The following MYO16 variants were observed in gnomAD, a reference collection of about 807,000 sequenced individuals.
The protein encoded by MYO16 is myosin XVI, also known as unconventional myosin-XVI.
A neutral mutation model predicts 205.3 loss-of-function variants in MYO16; 94 were observed. The observed-to-expected ratio is 0.46, with a 90% CI of 0.39 to 0.54. The LOEUF (loss-of-function observed/expected upper bound fraction) is 0.54, where lower values mean the gene tolerates loss of function less well. Among genes scored for constraint, MYO16 ranks in the 20% least tolerant of loss-of-function variants. The pLI, the probability that MYO16 is intolerant of heterozygous loss-of-function variation, is 0.00. For missense variants in MYO16, 2,315 were observed against 2,387.5 expected (o/e 0.97, Z 0.63); for synonymous variants, 988 against 954.0 (o/e 1.04, Z -0.66).
At chr13:108,559,470 C>CTTTTTTTTTT in the MYO16 span, among the ~76,000 whole-genome samples, 73 of 87,378 alleles carry the variant, frequency 8.4e-4, no homozygotes, top group Non-Finnish European at 1.1e-3. Flanking sequence ...TTTTTCTTTT[C>CTTTTTTTTTT]TTTTTTTTTT....
At chr13:108,754,513 G>GGT (rs111500208) in intron 4 of MYO16, among the ~76,000 whole-genome samples, 23,625 of 147,810 alleles carry the variant, frequency 0.16, 2,058 homozygotes, top group Non-Finnish European at 0.21. Flanking sequence ...TACAGGTTTT[G>GGT]GCGTGTGTGT....
intron 31 of MYO16, among the ~76,000 whole-genome samples, chr13:109,137,596 T>C (rs1378478819): frequency 6.6e-6 from 1 of 152,208 alleles, no homozygotes; most frequent in African/African-American, 2.4e-5. Flanking sequence ...TCTTAAAAGT[T>C]GGCTGCTTTG....
At chr13:108,495,716 G>A in the MYO16 span, among the ~76,000 whole-genome samples, 4 of 150,746 alleles carry the variant, frequency 2.7e-5, no homozygotes, top group East Asian at 7.9e-4. Flanking sequence ...GCTGCGGGTC[G>A]CAGAGGCGGG....
chr13:108,669,874 G>A (rs928012351), intron 2 of MYO16, among the ~76,000 whole-genome samples: 1 of 152,120 alleles, frequency 6.6e-6, no homozygotes, highest in African/African-American at 2.4e-5. Context: ...GTTGAACAAT[G>A]AGAACACACG....
the MYO16 span, among the ~76,000 whole-genome samples, chr13:108,499,509 G>A: frequency 7.9e-5 from 12 of 152,124 alleles, no homozygotes; most frequent in East Asian, 3.9e-4. Context: ...TACACTGGGC[G>A]CACCCCCAAC....
intron 1 of MYO16, among the ~76,000 whole-genome samples, chr13:108,637,746 A>T (rs1471678873): frequency 6.6e-6 from 1 of 152,080 alleles, no homozygotes; most frequent in Non-Finnish European, 1.5e-5. Context: ...GTTGTGGCAC[A>T]TGCCTGTAAT....
intron 19 of MYO16, among the ~76,000 whole-genome samples, 156 bp downstream of exon 19, chr13:108,962,651 A>G (rs375679125): frequency 2.0e-5 from 3 of 152,376 alleles, no homozygotes; most frequent in East Asian, 1.9e-4. Flanking sequence ...TGACATGACT[A>G]TAGTGTAGAC....
At chr13:108,775,760 C>A (rs558283225) in intron 4 of MYO16, among the ~76,000 whole-genome samples, 2 of 152,216 alleles carry the variant, frequency 1.3e-5, no homozygotes, top group East Asian at 3.9e-4. Flanking sequence ...GTCTTCTGAG[C>A]GGTGCACACA....
chr13:108,605,717 T>G (rs950597177), intron 1 of MYO16, among the ~76,000 whole-genome samples: 1 of 152,146 alleles, frequency 6.6e-6, no homozygotes, highest in African/African-American at 2.4e-5. Flanking sequence ...AATTTCCCAG[T>G]TTGGGGTATT....
intron 1 of MYO16, among the ~76,000 whole-genome samples, chr13:108,662,561 G>C (rs898701653): frequency 1.3e-5 from 2 of 152,056 alleles, no homozygotes; most frequent in Non-Finnish European, 2.9e-5. Context: ...TCAGGGAACT[G>C]GGGGAAAGCC....
intron 12 of MYO16, among the ~76,000 whole-genome samples, chr13:108,877,189 C>T (rs532459280): frequency 7.9e-5 from 12 of 152,240 alleles, no homozygotes; most frequent in Non-Finnish European, 1.3e-4. Flanking sequence ...TTTATAAATG[C>T]TCTTTTTGCT....
chr13:108,798,930 C>T (rs921650837), intron 6 of MYO16, among the ~76,000 whole-genome samples: 1 of 146,698 alleles, frequency 6.8e-6, no homozygotes, highest in African/African-American at 2.5e-5. Flanking sequence ...TGGTCTCGAT[C>T]TCCCGACCTC....
At chr13:108,913,082 A>G (rs1403922447) in intron 16 of MYO16, among the ~76,000 whole-genome samples, 1 of 152,220 alleles carries the variant, frequency 6.6e-6, no homozygotes, top group Non-Finnish European at 1.5e-5. Context: ...TAGAAAGTCA[A>G]ACAGTCAGGG....
In MYO16 at chr13:109,058,970, T is replaced by C. The variant is rs370129434; in HGVS notation, c.3335+3375T>C. Among the ~76,000 whole-genome samples the C allele has an allele frequency of 7.2e-5, 11 of 152,266 alleles. No individual in the cohort carries two copies. In the East Asian group the frequency reaches 1.4e-3, roughly 19 times the overall value. On this transcript the variant is annotated intron_variant, in intron 27 of 34. Coordinates refer to ENST00000457511, the MANE Select transcript of MYO16 (RefSeq NM_001198950.3). ...TAGATTCCATCTCAAGAAAACACTT[T>C]GTTCATCCATAAGCAGCAACTCCTC...
chr13:108,835,167 C>T (rs1173298481), intron 9 of MYO16, among the ~76,000 whole-genome samples: 1 of 151,876 alleles, frequency 6.6e-6, no homozygotes, highest in African/African-American at 2.4e-5. Context: ...AATTATAGTT[C>T]CCATAATCCC....
intron 33 of MYO16, among the ~76,000 whole-genome samples, chr13:109,174,491 GA>G (rs1484340535): frequency 4.6e-5 from 7 of 152,130 alleles, no homozygotes; most frequent in Non-Finnish European, 8.8e-5. Context: ...GGGAAATGGA[GA>G]CATACAATAG....
chr13:108,823,297 A>G lies in MYO16; in HGVS notation c.1097+19A>G. 1 of 1,585,114 alleles carries G rather than the reference A, an allele frequency of 6.3e-7. No individual in the cohort carries two copies. The highest frequency in any genetic ancestry group is 8.6e-7 in the Non-Finnish European group (1 of 1,164,928). On this transcript the variant is annotated intron_variant, in intron 9 of 34. Coordinates refer to ENST00000457511, the MANE Select transcript of MYO16 (RefSeq NM_001198950.3). ...GTAAGCTGTAAGTGTCTTCCTGCTT[A>G]TTCTCTTTTGCCATCTTCTCTACCT...
At chr13:108,616,052 T>C (rs11838367) in intron 1 of MYO16, among the ~76,000 whole-genome samples, 207 of 152,300 alleles carry the variant, frequency 1.4e-3, no homozygotes, top group African/African-American at 4.6e-3. Context: ...TAAACACTTA[T>C]GTTTACATGT....
Position 109,206,649 on chromosome 13 carries a change from C to T in MYO16, c.5456C>T (p.Ala1819Val), listed in dbSNP as rs1184921052. 4 of 1,614,058 alleles carry T rather than the reference C, an allele frequency of 2.5e-6. No homozygotes were observed. Among genetic ancestry groups the T allele is most frequent in the East Asian group, 2.2e-5 (1 of 44,878 alleles). Reference protein sequence around the residue: ...QLRLSENESVALQELLDWRRK... With the variant: ...QLRLSENESVVLQELLDWRRK... ...AGGCTCTCAGAGAATGAAAGTGTGG[C>T]CCTGCAGGAACTCTTGGACTGGAGG... The change falls in exon 35 of 35, where the codon GCC (alanine) becomes GTC (valine). Residue 1819 changes from alanine to valine, a missense_variant. By Grantham distance (64) the Ala-to-Val change is moderately conservative (BLOSUM62 0). Around this residue, in one of 3 missense-constraint regions of MYO16, gnomAD observed 1,097 missense variants for 1,092.0 expected, o/e 1.00. Transcript: ENST00000457511.
Sources: allele counts gnomAD v4.1 joint callset (sites outside exome capture counted in the v4.1 genomes callset), GRCh38; gene constraint gnomAD v4.1.1; regional missense constraint gnomAD v4.1.1; transcripts MANE v1.5; gene names NCBI Gene and HGNC (gene_info 2026-07-23, HGNC 2026-07-21).